The following MYBBP1A variants were observed in gnomAD, a reference collection of about 807,000 sequenced individuals.
The protein encoded by MYBBP1A is MYB binding protein 1a.
In MYBBP1A, 147 loss-of-function variants were observed where a neutral mutation model predicts 136.3. That is an observed-to-expected ratio of 1.08 (90% CI 0.94 to 1.24). The LOEUF is 1.24. Among genes scored for constraint, MYBBP1A ranks in the 50% most tolerant of loss-of-function variants. The probability of loss-of-function intolerance (pLI) is 0.00; values close to 1 mark genes in which losing one functional copy is unlikely to be tolerated. For synonymous variants in MYBBP1A, 947 were observed against 735.8 expected (o/e 1.29, Z -4.65); for missense variants, 2,060 against 1,727.4 (o/e 1.19, Z -3.41).
chr17:4,545,531 G>A (rs1738169735), intron 15 of MYBBP1A, 79 bp downstream of exon 15: 3 of 1,521,640 alleles, frequency 2.0e-6, no homozygotes, highest in African/African-American at 1.4e-5. Flanking sequence ...GGAGGCTGGA[G>A]GCTGAAGCGG....
At position 4,540,413 on chromosome 17, in the gene MYBBP1A, T is replaced by C. The variant is rs1453296022; in HGVS notation, c.3369A>G (p.Ala1123=). 6.2e-7 allele frequency: 1 copy of C among 1,610,906 alleles called. No individual in the cohort carries two copies. The highest frequency in any genetic ancestry group is 1.7e-5 in the Admixed American group (1 of 59,976). ...QGQQQSLQQG[A]HSTGSSRLHD... The stretch of plus-strand genomic sequence containing the variant: ...GCAGGCGGCTGGAGCCGGTGGAGTG[T>C]GCCCCCTGCTGTAGGCTCTGCTGTT... The change falls in exon 25 of 26, where the codon GCA becomes GCG. Residue 1123 remains alanine (A), a synonymous_variant. Coordinates refer to ENST00000254718, the MANE Select transcript of MYBBP1A (RefSeq NM_014520.4).
chr17:4,545,316 C>G lies in MYBBP1A; in HGVS notation c.2103G>C (p.Glu701Asp). 6.2e-7 allele frequency: 1 copy of G among 1,613,408 alleles called. No homozygotes were observed. The highest frequency in any genetic ancestry group is 8.5e-7 in the Non-Finnish European group (1 of 1,179,952). The stretch of plus-strand genomic sequence containing the variant: ...CGTCCGTCACCACCACACGGTCATT[C>G]TCATCCTCACTGGTCTCGGGGTTCA... The part of the protein sequence containing the change: ...DVLNPETSED[E>D]NDRVVVTDDS... Residue 701 changes from glutamate (E) to aspartate (D), a missense_variant, in exon 16 of 26, where the codon GAG (glutamate) becomes GAC (aspartate). By Grantham distance (45) the Glu-to-Asp change is conservative. Transcript: ENST00000254718.
In MYBBP1A at chr17:4,539,701, G is replaced by A; in HGVS notation, c.3701C>T (p.Ala1234Val). The change falls in exon 26 of 26, where the codon GCC becomes GTC. Residue 1234 changes from alanine to valine, a missense_variant. Coordinates refer to ENST00000254718, the MANE Select transcript of MYBBP1A (RefSeq NM_014520.4). Reference sequence around the variant, plus strand: ...GGGGCTCCGGGTGGGGGCGCCAGGGGCTGGACTCTTGGTGGTTGGCGTCCC... The same window carrying A: ...GGGGCTCCGGGTGGGGGCGCCAGGGACTGGACTCTTGGTGGTTGGCGTCCC... Reference protein sequence around the residue: ...ANGTPTTKSPAPGAPTRSPST... With the variant: ...ANGTPTTKSPVPGAPTRSPST... 6.2e-7 allele frequency: 1 copy of A among 1,609,770 alleles called. No individual in the cohort carries two copies. The highest frequency in any genetic ancestry group is 8.5e-7 in the Non-Finnish European group (1 of 1,177,158).
At chr17:4,550,423 AG>A in intron 8 of MYBBP1A, 70 bp from the exon 9 acceptor site, 1 of 1,531,822 alleles carries the variant, frequency 6.5e-7, no homozygotes, top group Non-Finnish European at 8.8e-7. Flanking sequence ...CCAACAGCCA[AG>A]GGGGCAGGCG....
intron 13 of MYBBP1A, among the ~76,000 whole-genome samples, chr17:4,547,197 G>A (rs773434263): frequency 2.6e-4 from 40 of 151,842 alleles, no homozygotes; most frequent in Non-Finnish European, 5.2e-4. Flanking sequence ...TGCGAGCCCC[G>A]AGCCTGGCCA....
chr17:4,539,545 AC>A lies in MYBBP1A; in HGVS notation c.3856del (p.Val1286SerfsTer37). The stretch of plus-strand genomic sequence containing the variant: ...CGCGGACAGTGGTGATTTGCCCAAG[AC>A]CCCCTTTTTGGGAAGAGCCTTCTGA... ...QHQKALPKKG[V>X]LGKSPLSALA... On this transcript the variant is annotated frameshift_variant, in exon 26 of 26. Coordinates refer to ENST00000254718, the MANE Select transcript of MYBBP1A (RefSeq NM_014520.4). LOFTEE classifies it low-confidence loss of function (END_TRUNC). 1 of 1,613,118 alleles carries A rather than the reference AC, an allele frequency of 6.2e-7. No homozygotes were observed. Among genetic ancestry groups the A allele is most frequent in the Non-Finnish European group, 8.5e-7 (1 of 1,179,790 alleles).
At position 4,552,553 on chromosome 17, in the gene MYBBP1A, G is replaced by A. The variant is rs780788482; in HGVS notation, c.635C>T (p.Pro212Leu). Residue 212 changes from proline to leucine, a missense_variant, in exon 6 of 26, where the codon CCT (proline) becomes CTT (leucine). Physicochemically the swap from Pro to Leu is moderately conservative, Grantham distance 98. Transcript: ENST00000254718. This position sits in a 1 kb window ranked among gnomAD's most constrained non-coding sequence, Gnocchi z 4.7. The stretch of plus-strand genomic sequence containing the variant: ...CAGGAGGAAGAGCTCTAGCTGTTCA[G>A]GGGAGCTGAGTATTATATTCAAGTC... ...KADLNIILSS[P>L]EQLELFLLAQ... 6 of 1,613,940 alleles carry A rather than the reference G, an allele frequency of 3.7e-6. No individual in the cohort carries two copies. The highest frequency in any genetic ancestry group is 5.1e-6 in the Non-Finnish European group (6 of 1,180,030).
rs768430615 is a variant in MYBBP1A, at chr17:4,552,390, G to A, written c.737+61C>T. The A allele has an allele frequency of 2.1e-5, 34 of 1,603,700 alleles. No individual in the cohort carries two copies. Among genetic ancestry groups the A allele is most frequent in the Non-Finnish European group, 2.9e-5 (34 of 1,175,574 alleles). On this transcript the variant is annotated intron_variant, in intron 6 of 25. Coordinates refer to ENST00000254718, the MANE Select transcript of MYBBP1A (RefSeq NM_014520.4). This position sits in a 1 kb window ranked among gnomAD's most constrained non-coding sequence, Gnocchi z 4.7. ...ACCCCCAGGCCAAACGACAAATCTG[G>A]GCCTGGCCAGATGCAGTCCCTTGGC...
Position 4,539,449 on chromosome 17 carries a change from T to C in MYBBP1A, c.3953A>G (p.Lys1318Arg). 6.2e-7 allele frequency: 1 copy of C among 1,614,028 alleles called. No individual in the cohort carries two copies. Among genetic ancestry groups the C allele is most frequent in the Non-Finnish European group, 8.5e-7 (1 of 1,179,940 alleles). Residue 1318 changes from lysine to arginine, a missense_variant, in exon 26 of 26, where the codon AAG (lysine) becomes AGG (arginine). Lys to Arg is a conservative substitution (Grantham distance 26). Transcript: ENST00000254718. ...CCCTGCCTTCCTCACCTGTGCTTTCTTCTTGGCCCCACTCTGAAGCAGGCT... is the reference window on the plus strand; with the variant it reads ...CCCTGCCTTCCTCACCTGTGCTTTCCTCTTGGCCCCACTCTGAAGCAGGCT... ...SPSLLQSGAK[K>R]KAQVRKAGKP
At chr17:4,541,107 T>C (rs62064959) in intron 24 of MYBBP1A, among the ~76,000 whole-genome samples, 8,136 of 152,288 alleles carry the variant, frequency 0.053, 254 homozygotes, top group African/African-American at 0.096. Flanking sequence ...CACACTCCTG[T>C]ACCAGGCCTG....
In MYBBP1A at chr17:4,539,628, C is replaced by T. The variant is rs138787890; in HGVS notation, c.3774G>A (p.Pro1258=). ...ACCCGGGAGCTCCATTCACCTGGGACGGCTTCTGGTTTTTCTTCTGCAGTT... is the reference window on the plus strand; with the variant it reads ...ACCCGGGAGCTCCATTCACCTGGGATGGCTTCTGGTTTTTCTTCTGCAGTT... The part of the protein sequence containing the change: ...SPKLQKKNQK[P]SQVNGAPGSP... Residue 1258 remains proline (P), a synonymous_variant, in exon 26 of 26, where the codon CCG becomes CCA. Transcript: ENST00000254718. The T allele has an allele frequency of 6.1e-5, 98 of 1,613,246 alleles. No individual in the cohort carries two copies. Among genetic ancestry groups the T allele is most frequent in the South Asian group, 2.5e-4 (23 of 91,056 alleles).
intron 17 of MYBBP1A, 47 bp downstream of exon 17, chr17:4,544,979 C>A: frequency 1.3e-6 from 2 of 1,529,528 alleles, no homozygotes; most frequent in Non-Finnish European, 1.8e-6. Flanking sequence ...AACATGGGGA[C>A]ACCCGAGCCC....
intron 13 of MYBBP1A, chr17:4,547,665 C>CCGTA: frequency 1.6e-5 from 6 of 368,622 alleles, no homozygotes; most frequent in Non-Finnish European, 2.4e-5. Context: ...ACAGTGCAAG[C>CCGTA]TCCTTTGCCT....
rs151134062 is a variant in MYBBP1A at position 4,545,861 on chromosome 17, G to A, written c.1906C>T (p.Arg636Cys). ...AAGGACCCACCGATGGTCTTGGTGC[G>A]GCTCCGGCGGGGCTTCTCTCCCAGA... is the stretch of plus-strand genomic sequence containing the variant. ...KSLGEKPRRS[R>C]TKTIDPQEPP... The change falls in exon 14 of 26, where the codon CGC (arginine) becomes TGC (cysteine). Residue 636 changes from arginine (R) to cysteine (C), a missense_variant. Physicochemically the swap from Arg to Cys is radical, Grantham distance 180. Transcript: ENST00000254718. 6.7e-5 allele frequency: 108 copies of A among 1,613,278 alleles called. No homozygotes were observed. In the African/African-American group the frequency reaches 8.7e-4, roughly 13 times the overall value.
intron 9 of MYBBP1A, among the ~76,000 whole-genome samples, chr17:4,549,785 CAAAAAAAAAAA>C (rs60360356): frequency 1.4e-4 from 9 of 65,404 alleles, no homozygotes; most frequent in Middle Eastern, 7.8e-3. Context: ...GAGACTCTGT[CAAAAAAAAAAA>C]AAAAAAAAAA....
intron 22 of MYBBP1A, chr17:4,542,193 G>T (rs1447054006): frequency 1.7e-6 from 1 of 585,590 alleles, no homozygotes; most frequent in Non-Finnish European, 3.0e-6. Context: ...CACTACCAGG[G>T]GCATCCTGTG....
In MYBBP1A at chr17:4,555,196, C is replaced by G. The variant is rs747423466; in HGVS notation, c.129G>C (p.Ala43=). ...REFLDFFWDI[A]KPEQETRLAA... ...CAAGTCGCGTCTCCTGCTCAGGCTT[C>G]GCAATGTCCCAGAAGAAGTCCAAGA... The change falls in exon 1 of 26, where the codon GCG becomes GCC. Residue 43 remains alanine (A), a synonymous_variant. Coordinates refer to ENST00000254718, the MANE Select transcript of MYBBP1A (RefSeq NM_014520.4). 4.3e-6 allele frequency: 7 copies of G among 1,609,584 alleles called. No homozygotes were observed. Among genetic ancestry groups the G allele is most frequent in the Non-Finnish European group, 5.9e-6 (7 of 1,178,302 alleles).
chr17:4,541,046 G>A (rs1906371060), intron 24 of MYBBP1A, among the ~76,000 whole-genome samples: 1 of 151,708 alleles, frequency 6.6e-6, no homozygotes, highest in African/African-American at 2.4e-5. Flanking sequence ...CAGACCGGGG[G>A]ACCCAGATGG....
At position 4,552,839 on chromosome 17, in the gene MYBBP1A, TA is replaced by T. The variant is rs1907654389; in HGVS notation, c.562-214del. Among the ~76,000 whole-genome samples, 4 of 38,130 alleles carry T rather than the reference TA, an allele frequency of 1.0e-4. No individual in the cohort carries two copies. Among genetic ancestry groups the T allele is most frequent in the South Asian group, 2.6e-3 (2 of 772 alleles). 25.0% of individuals were successfully genotyped at this position (38,130 alleles called of 152,430 possible). On this transcript the variant is annotated intron_variant, in intron 5 of 25. Coordinates refer to ENST00000254718, the MANE Select transcript of MYBBP1A (RefSeq NM_014520.4). The surrounding 1 kb of genome is among the most constrained non-coding windows in gnomAD (Gnocchi z 4.7). ...CTGGAGGTACCTGCCCCCCACCCCT[TA>T]TTTTTTTTTTTTAAGACAGAGTCTC...
Sources: gnomAD v4.1 joint callset for allele counts (sites outside exome capture counted in the v4.1 genomes callset) on GRCh38, gnomAD v4.1.1 for gene constraint, Gnocchi (gnomAD v3.1) non-coding constraint, MANE v1.5 for transcripts, NCBI Gene and HGNC (gene_info 2026-07-23, HGNC 2026-07-21) for gene names.